Variants in TAFA1 observed in about 807,000 individuals in gnomAD.
TAFA1 encodes the protein chemokine-like protein TAFA-1.
Under a neutral mutation model 18.5 loss-of-function variants are expected in TAFA1, and 4 were observed. The observed-to-expected ratio is 0.22, with a 90% confidence interval of 0.11 to 0.49. The LOEUF is 0.49. Ranked by LOEUF, TAFA1 falls within the 20% of genes least tolerant of loss-of-function variation. The pLI, the probability that TAFA1 is intolerant of heterozygous loss-of-function variation, is 0.98. For synonymous variants in TAFA1, 56 were observed against 55.2 expected (o/e 1.01, Z -0.06); for missense variants, 147 against 169.0 (o/e 0.87, Z 0.72).
intron 2 of TAFA1, among the ~76,000 whole-genome samples, chr3:68,257,807 T>C (rs1048031982): frequency 7.9e-5 from 12 of 152,090 alleles, no homozygotes; most frequent in Non-Finnish European, 2.9e-5. Context: ...GTGGATAAAC[T>C]TGGAAGCCAT....
intron 2 of TAFA1, among the ~76,000 whole-genome samples, chr3:68,318,147 T>C (rs150630700): frequency 3.3e-5 from 5 of 152,210 alleles, no homozygotes; most frequent in Admixed American, 6.5e-5. Flanking sequence ...GATAGAAATT[T>C]ACATACATGT....
intron 2 of TAFA1, among the ~76,000 whole-genome samples, chr3:68,400,021 A>G (rs1023359023): frequency 6.2e-4 from 94 of 152,250 alleles, no homozygotes; most frequent in East Asian, 3.3e-3. Context: ...TTTTTACCCA[A>G]TGTTTCCACA....
chr3:68,233,897 G>A (rs562674493), intron 2 of TAFA1, among the ~76,000 whole-genome samples: 79 of 151,962 alleles, frequency 5.2e-4, no homozygotes, highest in Admixed American at 1.4e-3. Context: ...AATGTCTAGA[G>A]CATTAAATAA....
chr3:68,495,816 G>T (rs1182385044), intron 3 of TAFA1, among the ~76,000 whole-genome samples: 3 of 151,998 alleles, frequency 2.0e-5, no homozygotes, highest in African/African-American at 7.3e-5. Context: ...AGGAAACCAA[G>T]AAAGGAATTT....
At chr3:68,246,862 A>G (rs1281299108) in intron 2 of TAFA1, 1 of 152,156 alleles carries the variant, frequency 6.6e-6, no homozygotes. Flanking sequence ...TCCTAGGTCA[A>G]AAGGAGTTCA....
intron 3 of TAFA1, among the ~76,000 whole-genome samples, chr3:68,513,935 C>A (rs2072884363): frequency 6.6e-6 from 1 of 152,058 alleles, no homozygotes; most frequent in African/African-American, 2.4e-5. Flanking sequence ...AATGGGGTGG[C>A]TTATAAACAA....
chr3:68,461,143 G>A (rs949328799), intron 3 of TAFA1, among the ~76,000 whole-genome samples: 3 of 151,690 alleles, frequency 2.0e-5, no homozygotes, highest in African/African-American at 2.4e-5. Context: ...TTAGCTGGGC[G>A]TTGTGATGCA....
At chr3:68,097,267 T>G (rs568704644) in intron 2 of TAFA1, among the ~76,000 whole-genome samples, 23 of 152,104 alleles carry the variant, frequency 1.5e-4, no homozygotes, top group Non-Finnish European at 3.4e-4. Flanking sequence ...TACATGAAAC[T>G]TTTTTTCTCA....
intron 3 of TAFA1, among the ~76,000 whole-genome samples, chr3:68,418,318 G>A (rs552006643): frequency 6.6e-6 from 1 of 152,032 alleles, no homozygotes; most frequent in Non-Finnish European, 1.5e-5. Context: ...AAGGGGAGTT[G>A]TTCTCTGGTG....
At chr3:68,187,601 T>G (rs975877162) in intron 2 of TAFA1, among the ~76,000 whole-genome samples, 18 of 152,030 alleles carry the variant, frequency 1.2e-4, no homozygotes, top group African/African-American at 4.3e-4. Context: ...TTGGGGCTAT[T>G]ACAAGTAACA....
upstream of TAFA1, among the ~76,000 whole-genome samples, chr3:68,002,501 T>G (rs1704294602): frequency 6.6e-6 from 1 of 152,222 alleles, no homozygotes; most frequent in South Asian, 2.1e-4. Flanking sequence ...CTTTTAATTT[T>G]AATTCATTAG....
At chr3:68,049,241 T>C (rs1013869849) in intron 2 of TAFA1, among the ~76,000 whole-genome samples, 1 of 152,166 alleles carries the variant, frequency 6.6e-6, no homozygotes, top group Non-Finnish European at 1.5e-5. Flanking sequence ...GGAAATAAAC[T>C]CTAAATCTTT....
At position 68,171,716 on chromosome 3, in the gene TAFA1, G is replaced by A. The variant is rs75925435; in HGVS notation, c.118+164972G>A. On this transcript the variant is annotated intron_variant, in intron 2 of 4. Transcript: ENST00000478136. ...GAATTGTGGAGAGTATGACAGCAAT[G>A]TCTTGCCAAATACAAATTGTCAATA... 4.0e-3 allele frequency among the ~76,000 whole-genome samples: 615 copies of A among 152,206 alleles called. 1 individual carries two copies. The highest frequency in any genetic ancestry group is 7.0e-3 in the Non-Finnish European group (475 of 67,988).
intron 2 of TAFA1, among the ~76,000 whole-genome samples, chr3:68,254,467 T>C (rs2067259779): frequency 6.6e-6 from 1 of 152,080 alleles, no homozygotes; most frequent in Non-Finnish European, 1.5e-5. Flanking sequence ...GGAAGAAAGA[T>C]ACTTGTAACA....
intron 2 of TAFA1, among the ~76,000 whole-genome samples, chr3:68,406,410 C>T (rs1224086231): frequency 6.6e-6 from 1 of 152,084 alleles, no homozygotes; most frequent in Non-Finnish European, 1.5e-5. Context: ...CTAGAATGAA[C>T]GTAAACATAG....
intron 2 of TAFA1, among the ~76,000 whole-genome samples, chr3:68,190,356 C>A (rs2066322303): frequency 6.6e-6 from 1 of 151,876 alleles, no homozygotes. Context: ...ACTGGGAACA[C>A]ATTTTTAAGT....
intron 2 of TAFA1, among the ~76,000 whole-genome samples, chr3:68,086,144 G>A (rs1420520678): frequency 6.6e-6 from 1 of 152,206 alleles, no homozygotes; most frequent in Non-Finnish European, 1.5e-5. Context: ...CTGATGTTCT[G>A]ATGTGAGTAG....
chr3:68,506,691 T>C (rs1261545655), intron 3 of TAFA1, among the ~76,000 whole-genome samples: 1 of 152,144 alleles, frequency 6.6e-6, no homozygotes, highest in Non-Finnish European at 1.5e-5. Context: ...AAATGTTAAA[T>C]ATATTTTAAC....
At chr3:68,298,511 C>T (rs779819189) in intron 2 of TAFA1, among the ~76,000 whole-genome samples, 1 of 152,070 alleles carries the variant, frequency 6.6e-6, no homozygotes, top group Non-Finnish European at 1.5e-5. Context: ...GACAAAAACA[C>T]TTATATGGTT....
Sources: gnomAD v4.1 joint callset for allele counts (sites outside exome capture counted in the v4.1 genomes callset) on GRCh38, gnomAD v4.1.1 for gene constraint, MANE v1.5 for transcripts, NCBI Gene and HGNC (gene_info 2026-07-23, HGNC 2026-07-21) for gene names.